The following DPYSL3 variants were observed in gnomAD, a reference collection of about 807,000 sequenced individuals.
DPYSL3 encodes the protein dihydropyrimidinase like 3.
DPYSL3 carries 16 observed loss-of-function variants against 66.1 expected under a neutral mutation model. The observed-to-expected ratio is 0.24, with a 90% CI of 0.16 to 0.37. The LOEUF (loss-of-function observed/expected upper bound fraction) is 0.37, where lower values mean the gene tolerates loss of function less well. Ranked by LOEUF, DPYSL3 falls within the 10% of genes least tolerant of loss-of-function variation. The probability of loss-of-function intolerance (pLI) is 1.00; values close to 1 mark genes in which losing one functional copy is unlikely to be tolerated. For synonymous variants in DPYSL3, 338 were observed against 345.1 expected, an observed-to-expected ratio of 0.98 and a Z score of 0.23; for missense variants, 738 against 916.2, an observed-to-expected ratio of 0.81 and a Z score of 2.51.
chr5:147,496,078 C>A (rs1478828149), intron 1 of DPYSL3, among the ~76,000 whole-genome samples: 1 of 151,948 alleles, frequency 6.6e-6, no homozygotes, highest in African/African-American at 2.4e-5. Flanking sequence ...AGAACAGAGC[C>A]CTCAGAAATA....
At chr5:147,472,831 C>T (rs892848353) in intron 1 of DPYSL3, 1 of 152,042 alleles carries the variant, frequency 6.6e-6, no homozygotes, top group Non-Finnish European at 1.5e-5. Context: ...TCCTATTTAC[C>T]CTCATCTGCA....
intron 1 of DPYSL3, among the ~76,000 whole-genome samples, chr5:147,508,892 C>A (rs950056704): frequency 6.6e-6 from 1 of 152,124 alleles, no homozygotes; most frequent in Non-Finnish European, 1.5e-5. Context: ...CGTGCTAAGA[C>A]ACAAGCGAGG....
In DPYSL3 at chr5:147,498,402, C is replaced by T. The variant is rs1423177300; in HGVS notation, c.381+11076G>A. ...GGAATAGTGCTGCAATGAACATACA[C>T]GTGCATGTGTCTTTATAATACAATT... On this transcript the variant is annotated intron_variant, in intron 1 of 13. Coordinates refer to ENST00000343218, the MANE Select transcript of DPYSL3 (RefSeq NM_001197294.2). 1.9e-4 allele frequency among the ~76,000 whole-genome samples: 29 copies of T among 152,142 alleles called. 1 individual carries two copies. The highest frequency in any genetic ancestry group is 1.5e-3 in the Admixed American group (23 of 15,278).
chr5:147,424,814 T>A (rs958341259), intron 2 of DPYSL3, 61 bp downstream of exon 2: 1 of 1,262,558 alleles, frequency 7.9e-7, no homozygotes, highest in Non-Finnish European at 1.1e-6. Context: ...CAACCTCCTT[T>A]ATGAGCCATT....
chr5:147,476,719 T>C (rs765470805), intron 1 of DPYSL3, among the ~76,000 whole-genome samples: 7 of 152,188 alleles, frequency 4.6e-5, no homozygotes, highest in African/African-American at 7.2e-5. Context: ...TGATGGAGTA[T>C]TGTGGGAGGA....
intron 1 of DPYSL3, among the ~76,000 whole-genome samples, chr5:147,468,602 C>G (rs184785627): frequency 3.9e-5 from 6 of 152,178 alleles, no homozygotes; most frequent in Admixed American, 2.6e-4. Flanking sequence ...AAAAGACTAT[C>G]GCAAGAAACT....
chr5:147,459,513 G>C (rs1039258771), intron 1 of DPYSL3, among the ~76,000 whole-genome samples: 1 of 151,754 alleles, frequency 6.6e-6, no homozygotes, highest in Non-Finnish European at 1.5e-5. Flanking sequence ...GAAAACCAAA[G>C]AGATGATTCA....
chr5:147,504,743 T>G (rs888937467), intron 1 of DPYSL3, among the ~76,000 whole-genome samples: 1 of 152,152 alleles, frequency 6.6e-6, no homozygotes, highest in Non-Finnish European at 1.5e-5. Flanking sequence ...GCCAACTTCA[T>G]GAAGGAAACA....
intron 12 of DPYSL3, among the ~76,000 whole-genome samples, chr5:147,397,384 C>T (rs1180865979): frequency 2.0e-5 from 3 of 152,000 alleles, no homozygotes; most frequent in Non-Finnish European, 2.9e-5. Context: ...AAAAAATACA[C>T]TGGCCTTATT....
At chr5:147,490,568 G>T (rs905130571) in intron 1 of DPYSL3, among the ~76,000 whole-genome samples, 1 of 152,150 alleles carries the variant, frequency 6.6e-6, no homozygotes, top group African/African-American at 2.4e-5. Context: ...GGCTTAGCAT[G>T]TTAAGAAGCT....
intron 2 of DPYSL3, among the ~76,000 whole-genome samples, chr5:147,420,383 G>T (rs1752053408): frequency 6.6e-6 from 1 of 152,146 alleles, no homozygotes; most frequent in African/African-American, 2.4e-5. Flanking sequence ...TCCCTTCTCT[G>T]AATCTCACCT....
intron 1 of DPYSL3, among the ~76,000 whole-genome samples, chr5:147,475,380 C>G (rs1363666252): frequency 1.3e-5 from 2 of 151,928 alleles, no homozygotes; most frequent in African/African-American, 4.8e-5. Flanking sequence ...TCTTGTGAGT[C>G]TGTAATCATT....
At chr5:147,427,480 C>T (rs975677880) in intron 1 of DPYSL3, among the ~76,000 whole-genome samples, 9 of 152,140 alleles carry the variant, frequency 5.9e-5, no homozygotes, top group South Asian at 4.2e-4. Context: ...TTGTGGGAAG[C>T]GGCCAAAAAT....
At chr5:147,485,175 C>T (rs1390489325) in intron 1 of DPYSL3, among the ~76,000 whole-genome samples, 2 of 152,218 alleles carry the variant, frequency 1.3e-5, no homozygotes, top group Non-Finnish European at 2.9e-5. Flanking sequence ...GAAGAAAACA[C>T]GTCACACGTT....
At chr5:147,432,048 T>C (rs1357077658) in intron 1 of DPYSL3, among the ~76,000 whole-genome samples, 3 of 152,152 alleles carry the variant, frequency 2.0e-5, no homozygotes, top group Non-Finnish European at 4.4e-5. Context: ...AAATTGGGCA[T>C]AGTTTACCAG....
chr5:147,402,036 C>T, intron 8 of DPYSL3: 1 of 232,362 alleles, frequency 4.3e-6, no homozygotes, highest in Non-Finnish European at 8.3e-6. Flanking sequence ...TGCTCCAGTT[C>T]TTGCTCTAGT....
intron 1 of DPYSL3, among the ~76,000 whole-genome samples, chr5:147,480,703 A>ATATATAT (rs1554116786): frequency 9.8e-5 from 14 of 142,462 alleles, no homozygotes; most frequent in South Asian, 4.7e-4. Flanking sequence ...GAATATATAT[A>ATATATAT]TATTATTATT....
chr5:147,481,788 C>T (rs1167406142), intron 1 of DPYSL3, among the ~76,000 whole-genome samples: 2 of 152,178 alleles, frequency 1.3e-5, no homozygotes, highest in Non-Finnish European at 2.9e-5. Context: ...CACAAAGGGC[C>T]TTGCTAGATG....
intron 8 of DPYSL3, 150 bp from the exon 9 acceptor site, chr5:147,401,846 G>A: frequency 1.2e-6 from 1 of 861,980 alleles, no homozygotes; most frequent in Non-Finnish European, 1.7e-6. Context: ...CCTTTTTAAA[G>A]CCCCTGCTTT....
Sources: allele counts gnomAD v4.1 joint callset (sites outside exome capture counted in the v4.1 genomes callset), GRCh38; gene constraint gnomAD v4.1.1; transcripts MANE v1.5; gene names NCBI Gene and HGNC (gene_info 2026-07-23, HGNC 2026-07-21).